Variants in NRG3 observed in about 807,000 individuals in gnomAD.
The protein encoded by NRG3 is neuregulin 3.
A neutral mutation model predicts 66.9 loss-of-function variants in NRG3; 31 were observed. The ratio of observed to expected loss-of-function variants is 0.46; its 90% CI spans 0.35 to 0.63. The LOEUF is 0.63. Ranked by LOEUF, NRG3 falls within the 20% of genes least tolerant of loss-of-function variation. The pLI is 0.00. For missense variants in NRG3, 910 were observed against 878.9 expected, an observed-to-expected ratio of 1.04 and a Z score of -0.45; for synonymous variants, 393 against 359.4, an observed-to-expected ratio of 1.09 and a Z score of -1.06.
At chr10:82,485,667 C>A (rs1842623879) in intron 2 of NRG3, among the ~76,000 whole-genome samples, 1 of 151,664 alleles carries the variant, frequency 6.6e-6, no homozygotes, top group Non-Finnish European at 1.5e-5. Context: ...TGGAAAGAAT[C>A]CATAGTAAGT....
intron 4 of NRG3, among the ~76,000 whole-genome samples, chr10:82,891,195 T>C (rs903067386): frequency 2.0e-5 from 3 of 151,680 alleles, no homozygotes; most frequent in Non-Finnish European, 4.4e-5. Context: ...ATGAAGATTA[T>C]GTTAAATCTA....
At chr10:82,733,129 C>G (rs1441070044) in intron 2 of NRG3, among the ~76,000 whole-genome samples, 1 of 152,122 alleles carries the variant, frequency 6.6e-6, no homozygotes. Flanking sequence ...AACTTTATGT[C>G]TAAAATCAAG....
intron 3 of NRG3, among the ~76,000 whole-genome samples, chr10:82,853,747 C>T (rs1267766440): frequency 6.6e-6 from 1 of 152,124 alleles, no homozygotes; most frequent in Non-Finnish European, 1.5e-5. Flanking sequence ...TATTGGCAAA[C>T]AACAGTTTTA....
chr10:82,955,425 A>G (rs1849948438), intron 5 of NRG3, among the ~76,000 whole-genome samples: 1 of 151,982 alleles, frequency 6.6e-6, no homozygotes, highest in Admixed American at 6.5e-5. Context: ...AGTGTGGCTC[A>G]CGCAATGACT....
At chr10:82,214,762 G>A (rs1437658508) in intron 1 of NRG3, among the ~76,000 whole-genome samples, 8 of 152,114 alleles carry the variant, frequency 5.3e-5, no homozygotes, top group African/African-American at 1.9e-4. Flanking sequence ...GAGCCACCAT[G>A]ACCAGCCCCA....
chr10:82,050,839 C>G (rs1011387735), intron 1 of NRG3, among the ~76,000 whole-genome samples: 1 of 152,010 alleles, frequency 6.6e-6, no homozygotes. Context: ...TGCAGAATAT[C>G]CTTCTCTCTA....
intron 2 of NRG3, among the ~76,000 whole-genome samples, chr10:82,683,482 C>A (rs1208536058): frequency 1.3e-5 from 2 of 152,080 alleles, no homozygotes; most frequent in Non-Finnish European, 2.9e-5. Context: ...AATAAAAATG[C>A]TGTTACCATT....
chr10:82,177,713 A>G (rs2073134709), intron 1 of NRG3, among the ~76,000 whole-genome samples: 1 of 152,172 alleles, frequency 6.6e-6, no homozygotes, highest in Non-Finnish European at 1.5e-5. Flanking sequence ...AGCTGGGACC[A>G]CAGGCGTGCG....
At chr10:82,724,713 G>A (rs1375939945) in intron 2 of NRG3, among the ~76,000 whole-genome samples, 10 of 152,112 alleles carry the variant, frequency 6.6e-5, no homozygotes, top group Non-Finnish European at 7.4e-5. Flanking sequence ...GACATCCTGT[G>A]GACACTTTGC....
intron 1 of NRG3, among the ~76,000 whole-genome samples, chr10:81,965,999 T>C (rs1042507521): frequency 2.0e-5 from 3 of 152,030 alleles, no homozygotes; most frequent in African/African-American, 7.2e-5. Flanking sequence ...TTTCTGAACA[T>C]TTAGTATAAT....
chr10:81,942,453 C>T (rs758868718), intron 1 of NRG3, among the ~76,000 whole-genome samples: 1 of 152,082 alleles, frequency 6.6e-6, no homozygotes, highest in South Asian at 2.1e-4. Context: ...ATAATACACC[C>T]CCTCTATAAT....
At chr10:82,612,674 T>G (rs2048387319) in intron 2 of NRG3, among the ~76,000 whole-genome samples, 1 of 152,184 alleles carries the variant, frequency 6.6e-6, no homozygotes, top group South Asian at 2.1e-4. Flanking sequence ...TTGATTTTAT[T>G]TTTGAAGTAC....
intron 2 of NRG3, among the ~76,000 whole-genome samples, chr10:82,738,357 A>G (rs1206189843): frequency 1.3e-5 from 2 of 152,260 alleles, no homozygotes; most frequent in East Asian, 1.9e-4. Flanking sequence ...TTGCATATCA[A>G]ACTATAAAAG....
chr10:82,001,335 T>C (rs1302708551), intron 1 of NRG3, among the ~76,000 whole-genome samples: 1 of 151,980 alleles, frequency 6.6e-6, no homozygotes, highest in East Asian at 1.9e-4. Flanking sequence ...AAATTCCATC[T>C]CTACTGAAAA....
intron 2 of NRG3, among the ~76,000 whole-genome samples, chr10:82,476,935 A>G (rs762599029): frequency 8.5e-5 from 13 of 152,202 alleles, no homozygotes; most frequent in Non-Finnish European, 1.3e-4. Context: ...AATAAATGTC[A>G]TTTGACACGT....
chr10:82,354,117 C>T (rs2083619295), intron 1 of NRG3, among the ~76,000 whole-genome samples: 1 of 149,448 alleles, frequency 6.7e-6, no homozygotes, highest in Non-Finnish European at 1.5e-5. Context: ...TCACTGCAAC[C>T]TCGACCTCCT....
intron 4 of NRG3, among the ~76,000 whole-genome samples, chr10:82,892,380 T>C (rs1350690639): frequency 6.6e-6 from 1 of 151,990 alleles, no homozygotes; most frequent in Non-Finnish European, 1.5e-5. Context: ...ATGTTAGAAA[T>C]AGGCCAAGCA....
chr10:82,412,414 CA>C (rs1381104153), intron 2 of NRG3, among the ~76,000 whole-genome samples: 3 of 152,134 alleles, frequency 2.0e-5, no homozygotes, highest in South Asian at 4.1e-4. Context: ...AGCATCATGT[CA>C]AAAAATGTAC....
chr10:82,164,830 A>T (rs1411860484), intron 1 of NRG3, among the ~76,000 whole-genome samples: 1 of 152,192 alleles, frequency 6.6e-6, no homozygotes, highest in South Asian at 2.1e-4. Flanking sequence ...CAACTTGGTT[A>T]TAGTAGTGTG....
Sources: allele counts gnomAD v4.1 joint callset (sites outside exome capture counted in the v4.1 genomes callset), GRCh38; gene constraint gnomAD v4.1.1; transcripts MANE v1.5; gene names NCBI Gene and HGNC (gene_info 2026-07-23, HGNC 2026-07-21).